The following SH3BGRL2 variants were observed in gnomAD, a reference collection of about 807,000 sequenced individuals.
SH3BGRL2 encodes SH3 domain binding glutamate rich protein like 2.
Under a neutral mutation model 14.8 loss-of-function variants are expected in SH3BGRL2, and 21 were observed. The ratio of observed to expected loss-of-function variants is 1.42; its 90% CI spans 1.01 to 2.05. The LOEUF is 2.05. SH3BGRL2 is among the 30% of genes most tolerant of loss of function. The pLI is 0.00. For missense variants in SH3BGRL2, 147 were observed against 130.8 expected (o/e 1.12, Z -0.61); for synonymous variants, 50 against 47.8 (o/e 1.05, Z -0.19).
the SH3BGRL2 span, among the ~76,000 whole-genome samples, chr6:79,571,971 C>A: frequency 6.6e-6 from 1 of 152,150 alleles, no homozygotes; most frequent in African/African-American, 2.4e-5. Flanking sequence ...CAGAGAATTT[C>A]CATACACCAT....
chr6:79,645,916 T>G (rs1239791039), intron 1 of SH3BGRL2, among the ~76,000 whole-genome samples: 1 of 152,166 alleles, frequency 6.6e-6, no homozygotes, highest in Non-Finnish European at 1.5e-5. Context: ...ATCTCAAAAC[T>G]GCTACTCTGA....
chr6:79,633,538 G>A (rs72905714), intron 1 of SH3BGRL2, among the ~76,000 whole-genome samples: 3,821 of 152,106 alleles, frequency 0.025, 114 homozygotes, highest in Non-Finnish European at 0.033. Context: ...GCCCTGCCTC[G>A]TAGCATGTGT....
chr6:79,540,442 A>AATAAATAC, the SH3BGRL2 span, among the ~76,000 whole-genome samples: 1 of 151,254 alleles, frequency 6.6e-6, no homozygotes, highest in Admixed American at 6.6e-5. Flanking sequence ...CTCAAAAATA[A>AATAAATAC]ATAAATAAAT....
the SH3BGRL2 span, among the ~76,000 whole-genome samples, chr6:79,539,487 T>C: frequency 1.2e-3 from 188 of 152,344 alleles, no homozygotes; most frequent in Middle Eastern, 6.8e-3. Context: ...TCTGCAATGG[T>C]CATTAAGCAC....
At position 79,699,497 on chromosome 6, in the gene SH3BGRL2, G is replaced by C; in HGVS notation, c.313-1G>C. ...TTTTTTTTTTTTTTTTTTTTTTATA[G>C]GCAGAACCTTAGAGAAGAAGAGTGG... is the stretch of plus-strand genomic sequence containing the variant. On this transcript the variant is annotated splice_acceptor_variant, in intron 3 of 3. Transcript: ENST00000369838. LOFTEE classifies it high-confidence loss of function. 4.5e-6 allele frequency: 4 copies of C among 892,238 alleles called. No individual in the cohort carries two copies. The highest frequency in any genetic ancestry group is 6.4e-6 in the Non-Finnish European group (4 of 620,246). The allele number at this position is 892,238 out of a possible 1,614,324, so 55.3% of individuals were successfully genotyped here.
At chr6:79,631,771 C>T (rs1768831359) in intron 1 of SH3BGRL2, among the ~76,000 whole-genome samples, 1 of 152,220 alleles carries the variant, frequency 6.6e-6, no homozygotes, top group Non-Finnish European at 1.5e-5. Flanking sequence ...CGAGGGAAGC[C>T]CCCAGCTCCT....
At chr6:79,693,511 T>A (rs1284730143) in intron 2 of SH3BGRL2, among the ~76,000 whole-genome samples, 16 of 150,204 alleles carry the variant, frequency 1.1e-4, no homozygotes, top group Non-Finnish European at 1.5e-5. Context: ...AGATAGCTCT[T>A]ATTATTTTGA....
the SH3BGRL2 span, among the ~76,000 whole-genome samples, chr6:79,613,165 C>T: frequency 1.1e-4 from 16 of 152,150 alleles, no homozygotes; most frequent in Non-Finnish European, 2.1e-4. Context: ...AGCTGATAAA[C>T]GATTTGACCA....
At chr6:79,556,509 C>T in the SH3BGRL2 span, among the ~76,000 whole-genome samples, 61 of 152,146 alleles carry the variant, frequency 4.0e-4, no homozygotes, top group South Asian at 6.4e-3. Flanking sequence ...AACAAAAATA[C>T]TGAATACTGA....
chr6:79,618,069 TTTC>T, the SH3BGRL2 span, among the ~76,000 whole-genome samples: 13 of 152,250 alleles, frequency 8.5e-5, no homozygotes, highest in Non-Finnish European at 1.0e-4. Context: ...TAAATTATAA[TTTC>T]TTCTTTATTT....
At chr6:79,581,623 A>G in the SH3BGRL2 span, among the ~76,000 whole-genome samples, 1 of 152,242 alleles carries the variant, frequency 6.6e-6, no homozygotes, top group Non-Finnish European at 1.5e-5. Flanking sequence ...TAAACTATGT[A>G]TTGATGGAAC....
intron 2 of SH3BGRL2, among the ~76,000 whole-genome samples, chr6:79,686,810 G>T (rs1770106772): frequency 6.6e-6 from 1 of 152,204 alleles, no homozygotes; most frequent in Non-Finnish European, 1.5e-5. Flanking sequence ...CCTTTGAGCA[G>T]GAGGGCTAAA....
chr6:79,552,523 C>T, the SH3BGRL2 span, among the ~76,000 whole-genome samples: 1 of 152,096 alleles, frequency 6.6e-6, no homozygotes, highest in Non-Finnish European at 1.5e-5. Context: ...TGTGTCTACT[C>T]AACTGGTTAC....
At chr6:79,688,056 CAG>C (rs1229879191) in intron 2 of SH3BGRL2, among the ~76,000 whole-genome samples, 1 of 152,098 alleles carries the variant, frequency 6.6e-6, no homozygotes. Flanking sequence ...TCGGAGTGCA[CAG>C]ATAATGTCCT....
intron 1 of SH3BGRL2, among the ~76,000 whole-genome samples, chr6:79,647,779 T>G (rs1769173136): frequency 6.6e-6 from 1 of 152,124 alleles, no homozygotes; most frequent in South Asian, 2.1e-4. Flanking sequence ...AAGACGCCAG[T>G]GGAAAGTTAA....
the SH3BGRL2 span, among the ~76,000 whole-genome samples, chr6:79,566,940 A>G: frequency 5.3e-5 from 8 of 151,998 alleles, no homozygotes; most frequent in Non-Finnish European, 1.2e-4. Context: ...CTTATGAATA[A>G]ATACTTGTTC....
the SH3BGRL2 span, among the ~76,000 whole-genome samples, chr6:79,583,369 C>G: frequency 6.6e-6 from 1 of 152,196 alleles, no homozygotes; most frequent in African/African-American, 2.4e-5. Context: ...ATAGCAAAGA[C>G]TTGGAACCAA....
chr6:79,606,414 T>G, the SH3BGRL2 span, among the ~76,000 whole-genome samples: 1 of 152,190 alleles, frequency 6.6e-6, no homozygotes, highest in Non-Finnish European at 1.5e-5. Context: ...CTGGAAGAAT[T>G]TAGATTCTTC....
chr6:79,591,507 A>G, the SH3BGRL2 span, among the ~76,000 whole-genome samples: 1 of 152,204 alleles, frequency 6.6e-6, no homozygotes. Context: ...TCCTGGGTGC[A>G]AGCGATTCCC....
Sources: gnomAD v4.1 joint callset for allele counts (sites outside exome capture counted in the v4.1 genomes callset) on GRCh38, gnomAD v4.1.1 for gene constraint, MANE v1.5 for transcripts, NCBI Gene and HGNC (gene_info 2026-07-23, HGNC 2026-07-21) for gene names.